Variants in GPR179 observed in about 807,000 individuals in gnomAD.
The protein encoded by GPR179 is G protein-coupled receptor 179.
In GPR179, 52 loss-of-function variants were observed where a neutral mutation model predicts 70.8. The observed-to-expected ratio is 0.73, with a 90% CI of 0.59 to 0.93. The LOEUF is 0.93. Ranked by LOEUF, GPR179 falls within the 40% of genes least tolerant of loss-of-function variation. The probability of loss-of-function intolerance (pLI) is 0.00; values close to 1 mark genes in which losing one functional copy is unlikely to be tolerated. For synonymous variants in GPR179, 1,123 were observed against 1,169.0 expected, an observed-to-expected ratio of 0.96 and a Z score of 0.80; for missense variants, 2,734 against 2,966.8, an observed-to-expected ratio of 0.92 and a Z score of 1.82.
chr17:38,335,773 T>C (rs747484585), intron 5 of GPR179, 73 bp from the exon 6 acceptor site: 1 of 966,876 alleles, frequency 1.0e-6, no homozygotes, highest in Admixed American at 1.8e-5. Flanking sequence ...CTAAGCACAC[T>C]GTGGATCCTC....
Position 38,343,400 on chromosome 17 carries a change from G to A in GPR179, c.390C>T (p.Tyr130=), listed in dbSNP as rs748253709. 2 of 1,614,148 alleles carry A rather than the reference G, an allele frequency of 1.2e-6. No individual in the cohort carries two copies. Among genetic ancestry groups the A allele is most frequent in the African/African-American group, 2.7e-5 (2 of 75,030 alleles). ...ESSVEEDVEW[Y]QALVRSVAEG... is the part of the protein sequence containing the mutation. ...CGGCCACGCTGCGGACCAGTGCCTG[G>A]TACCATTCCACATCCTCCTCCACAC... Residue 130 remains tyrosine (Y), a synonymous_variant, in exon 1 of 11, where the codon TAC becomes TAT. Coordinates refer to ENST00000616987, the MANE Select transcript of GPR179 (RefSeq NM_001004334.4). The surrounding 1 kb of genome is among the most constrained non-coding windows in gnomAD (Gnocchi z 4.2).
rs370183707 is a variant in GPR179, at chr17:38,328,682, G to C, written c.4887C>G (p.Ile1629Met). The change falls in exon 11 of 11, where the codon ATC (isoleucine) becomes ATG (methionine). Residue 1629 changes from isoleucine (I) to methionine (M), a missense_variant. Coordinates refer to ENST00000616987, the MANE Select transcript of GPR179 (RefSeq NM_001004334.4). The part of the protein sequence containing the change: ...DKEKMPGKSE[I>M]EDVTAWEKPE... ...GCTTTTCCCAAGCTGTGACATCTTC[G>C]ATTTCCGATTTTCCAGGCATTTTCT... The C allele has an allele frequency of 1.2e-6, 2 of 1,613,960 alleles. No individual in the cohort carries two copies. Among genetic ancestry groups the C allele is most frequent in the Non-Finnish European group, 1.7e-6 (2 of 1,179,954 alleles).
chr17:38,343,519 GC>G lies in GPR179; in HGVS notation c.270del (p.Leu91SerfsTer59), dbSNP rs2037469412. 2 of 1,613,738 alleles carry G rather than the reference GC, an allele frequency of 1.2e-6. No homozygotes were observed. Among genetic ancestry groups the G allele is most frequent in the Non-Finnish European group, 1.7e-6 (2 of 1,179,994 alleles). On this transcript the variant is annotated frameshift_variant, in exon 1 of 11. Coordinates refer to ENST00000616987, the MANE Select transcript of GPR179 (RefSeq NM_001004334.4). LOFTEE classifies it high-confidence loss of function. This position sits in a 1 kb window ranked among gnomAD's most constrained non-coding sequence, Gnocchi z 4.2. ...YEARGAGAMP[G>X]LPPSLQGAAG... ...GCTGCCCCCTGTAGGCTTGGGGGGA[GC>G]CCTGGCATGGCTCCTGCCCCACGCG...
rs2037307509 is a variant in GPR179, at chr17:38,328,068, T to G, written c.5501A>C (p.Lys1834Thr). 6.2e-7 allele frequency: 1 copy of G among 1,614,040 alleles called. No individual in the cohort carries two copies. Among genetic ancestry groups the G allele is most frequent in the Non-Finnish European group, 8.5e-7 (1 of 1,180,040 alleles). Residue 1834 changes from lysine (K) to threonine (T), a missense_variant, in exon 11 of 11, where the codon AAG becomes ACG. By Grantham distance (78) the Lys-to-Thr change is moderately conservative (BLOSUM62 -1). Transcript: ENST00000616987. ...EGTTGKGLDQ[K>T]AGSESAEQRE... ...CTGCTCTGCTGATTCACTCCCTGCC[T>G]TTTGGTCCAATCCCTTCCCAGTAGT...
chr17:38,333,704 G>A (rs916161125), intron 9 of GPR179, among the ~76,000 whole-genome samples: 3 of 152,168 alleles, frequency 2.0e-5, no homozygotes, highest in African/African-American at 7.2e-5. Flanking sequence ...GCTGCAGGAG[G>A]GAGCCCCTCC....
intron 1 of GPR179, among the ~76,000 whole-genome samples, chr17:38,342,334 C>CTT (rs10681391): frequency 0.13 from 18,407 of 139,072 alleles, 1,485 homozygotes; most frequent in African/African-American, 0.22. Flanking sequence ...ACTGACACAT[C>CTT]TTTTTTTTTT....
rs2037449337 is a variant in GPR179, at chr17:38,341,590, G to A, written c.794+1406C>T. On this transcript the variant is annotated intron_variant, in intron 1 of 10. Coordinates refer to ENST00000616987, the MANE Select transcript of GPR179 (RefSeq NM_001004334.4). ...TGAATGGGGACACAGAGCTGGAGAA[G>A]CAGTGTTGATTGTTGAATGCCCTGC... Among the ~76,000 whole-genome samples, 4 of 152,336 alleles carry A rather than the reference G, an allele frequency of 2.6e-5. No homozygotes were observed. In the South Asian group the frequency reaches 8.3e-4, roughly 32 times the overall value.
In GPR179 at chr17:38,326,968, C is replaced by T; in HGVS notation, c.6601G>A (p.Asp2201Asn). The T allele has an allele frequency of 1.2e-6, 2 of 1,614,130 alleles. No individual in the cohort carries two copies. The highest frequency in any genetic ancestry group is 1.7e-6 in the Non-Finnish European group (2 of 1,180,048). The part of the protein sequence containing the change: ...GGLLPQSGAL[D>N]PELKVSPKEA... ...TTGGGGCTGACTTTGAGTTCTGGGT[C>T]CAGGGCACCTGACTGGGGCAAGAGC... The change falls in exon 11 of 11, where the codon GAC (aspartate) becomes AAC (asparagine). Residue 2201 changes from aspartate to asparagine, a missense_variant. Asp to Asn is a conservative substitution (Grantham distance 23). Coordinates refer to ENST00000616987, the MANE Select transcript of GPR179 (RefSeq NM_001004334.4).
rs753317811 is a variant in GPR179 at position 38,335,032 on chromosome 17, C to T, written c.1645+1G>A. 1.2e-6 allele frequency: 2 copies of T among 1,610,388 alleles called. No individual in the cohort carries two copies. Among genetic ancestry groups the T allele is most frequent in the African/African-American group, 2.7e-5 (2 of 74,990 alleles). On this transcript the variant is annotated splice_donor_variant, in intron 7 of 10. Transcript: ENST00000616987. LOFTEE classifies it high-confidence loss of function. ...GGCTGGGCTCAGCAGAAGCAGCTCA[C>T]CCACAACCATGATGTAGTCCCAGCG... is the stretch of plus-strand genomic sequence containing the variant.
chr17:38,343,644 A>G lies in GPR179; in HGVS notation c.146T>C (p.Met49Thr). Residue 49 changes from methionine to threonine, a missense_variant, in exon 1 of 11, where the codon ATG (methionine) becomes ACG (threonine). Met to Thr is a moderately conservative substitution (Grantham distance 81, BLOSUM62 -1). Coordinates refer to ENST00000616987, the MANE Select transcript of GPR179 (RefSeq NM_001004334.4). The surrounding 1 kb of genome is among the most constrained non-coding windows in gnomAD (Gnocchi z 4.2). ...SSQVKPGSVPMQVPLEGAEAA... is the reference protein window; with the variant it reads ...SSQVKPGSVPTQVPLEGAEAA... ...CTCGGCCCCCTCTAGGGGCACCTGC[A>G]TGGGTACAGATCCTGGCTTGACTTG... 2 of 1,613,688 alleles carry G rather than the reference A, an allele frequency of 1.2e-6. No homozygotes were observed. Among genetic ancestry groups the G allele is most frequent in the Non-Finnish European group, 1.7e-6 (2 of 1,179,872 alleles).
Position 38,326,756 on chromosome 17 carries a change from A to G in GPR179, c.6813T>C (p.Pro2271=), listed in dbSNP as rs745801819. ...GGACTAAAAGGCATAGTGGTTTTTC[A>G]GGAGCTGTGGGGAAAAATTCTCTCC... is the stretch of plus-strand genomic sequence containing the variant. ...ATRREFFPTA[P]EKPLCLLVHG... is the part of the protein sequence containing the mutation. The change falls in exon 11 of 11, where the codon CCT becomes CCC. Residue 2271 remains proline, a synonymous_variant. Transcript: ENST00000616987. 3.1e-6 allele frequency: 5 copies of G among 1,614,214 alleles called. No individual in the cohort carries two copies. The Admixed American group carries it at 8.3e-5, about 27-fold the overall frequency.
rs777155797 is a variant in GPR179 at position 38,329,402 on chromosome 17, G to A, written c.4167C>T (p.Gly1389=). 3.3e-5 allele frequency: 53 copies of A among 1,613,546 alleles called. No individual in the cohort carries two copies. The highest frequency in any genetic ancestry group is 1.3e-4 in the Admixed American group (8 of 59,944). ...CCTCTTGGGCTGGTTTCCCATCCTC[G>A]CCTCCTTCACTTGCCTCCCAGGGAC... The part of the protein sequence containing the change: ...EPCPWEASEG[G]EDGKPAQEAV... The change falls in exon 11 of 11, where the codon GGC becomes GGT. Residue 1389 remains glycine (G), a synonymous_variant. Transcript: ENST00000616987.
chr17:38,331,229 C>T lies in GPR179; in HGVS notation c.2340G>A (p.Glu780=), dbSNP rs945578622. The T allele has an allele frequency of 6.9e-6, 11 of 1,589,194 alleles. No individual in the cohort carries two copies. Among genetic ancestry groups the T allele is most frequent in the Non-Finnish European group, 9.4e-6 (11 of 1,169,094 alleles). Reference sequence around the variant, plus strand: ...GTGAGTCAAGAAGAGGCGGGTCCTGCTCCCTGCGCTGGTCATAGGTGCTGC... The same window carrying T: ...GTGAGTCAAGAAGAGGCGGGTCCTGTTCCCTGCGCTGGTCATAGGTGCTGC... ...KSRSTYDQRR[E]QDPPLLDSLL... The change falls in exon 11 of 11, where the codon GAG becomes GAA. Residue 780 remains glutamate, a synonymous_variant. Coordinates refer to ENST00000616987, the MANE Select transcript of GPR179 (RefSeq NM_001004334.4).
rs1304635368 is a variant in GPR179, at chr17:38,330,565, C to T, written c.3004G>A (p.Ala1002Thr). 6.4e-7 allele frequency: 1 copy of T among 1,572,288 alleles called. No individual in the cohort carries two copies. Among genetic ancestry groups the T allele is most frequent in the South Asian group, 1.2e-5 (1 of 82,694 alleles). The change falls in exon 11 of 11, where the codon GCC becomes ACC. Residue 1002 changes from alanine to threonine, a missense_variant. Coordinates refer to ENST00000616987, the MANE Select transcript of GPR179 (RefSeq NM_001004334.4). The stretch of plus-strand genomic sequence containing the variant: ...TCCTGGGGCACATTTTCTTGCTTGG[C>T]TGGCAGTTCTGCGTTCTCCCAGGGG... ...ICPWENAELP[A>T]KQENVPQEGP... is the part of the protein sequence containing the mutation.
At chr17:38,337,359 G>T in intron 3 of GPR179, 146 bp from the exon 4 acceptor site, 1 of 1,202,890 alleles carries the variant, frequency 8.3e-7, no homozygotes, top group Non-Finnish European at 1.1e-6. Context: ...GTGCTTCCTT[G>T]GGAGGGCAAA....
At chr17:38,335,469 G>T in intron 6 of GPR179, 122 bp downstream of exon 6, 1 of 800,406 alleles carries the variant, frequency 1.2e-6, no homozygotes, top group Non-Finnish European at 2.1e-6. Context: ...GATGGGGGTT[G>T]GCCTTGGGGG....
chr17:38,334,782 G>T lies in GPR179; in HGVS notation c.1706C>A (p.Ser569Ter), dbSNP rs940957113. The change falls in exon 8 of 11, where the codon TCG becomes TAG. Residue 569 changes from serine to a stop codon, truncating the protein, a stop_gained. Transcript: ENST00000616987. LOFTEE classifies it high-confidence loss of function. This position sits in a 1 kb window ranked among gnomAD's most constrained non-coding sequence, Gnocchi z 4.7. The part of the protein sequence containing the change: ...FLCYATRAVL[S>*]AFHEPRYMGI... ...CATGTAGCGTGGCTCATGGAAGGCC[G>T]AGAGCACAGCCCGTGTGGCGTAGCA... 6.2e-7 allele frequency: 1 copy of T among 1,613,574 alleles called. No individual in the cohort carries two copies. Among genetic ancestry groups the T allele is most frequent in the African/African-American group, 1.3e-5 (1 of 75,042 alleles).
Position 38,326,864 on chromosome 17 carries a change from C to G in GPR179, c.6705G>C (p.Lys2235Asn). ...CAGGACAGATGTCTGCCATGGTACC[C>G]TTTATTTTATTTCCTTCTGGATCTG... The part of the protein sequence containing the change: ...EITDPEGNKI[K>N]GTMADICPGE... The change falls in exon 11 of 11, where the codon AAG becomes AAC. Residue 2235 changes from lysine to asparagine, a missense_variant. Lys to Asn is a moderately conservative substitution (Grantham distance 94). Coordinates refer to ENST00000616987, the MANE Select transcript of GPR179 (RefSeq NM_001004334.4). 1.2e-6 allele frequency: 2 copies of G among 1,614,178 alleles called. No individual in the cohort carries two copies. The highest frequency in any genetic ancestry group is 1.7e-6 in the Non-Finnish European group (2 of 1,180,032).
Position 38,343,350 on chromosome 17 carries a change from GC to G in GPR179, c.439del (p.Ala147LeufsTer3). ...VAEGDPRVYR[A>X]LLTFNPPPGA... is the part of the protein sequence containing the mutation. ...TGGTGGAGGGTTAAAGGTCAGCAAAGCCCTGTACACTCTTGGGTCCCCCTCG... is the reference window on the plus strand; with the variant it reads ...TGGTGGAGGGTTAAAGGTCAGCAAAGCCTGTACACTCTTGGGTCCCCCTCG... On this transcript the variant is annotated frameshift_variant, in exon 1 of 11. Coordinates refer to ENST00000616987, the MANE Select transcript of GPR179 (RefSeq NM_001004334.4). LOFTEE classifies it high-confidence loss of function. This position sits in a 1 kb window ranked among gnomAD's most constrained non-coding sequence, Gnocchi z 4.2. The G allele has an allele frequency of 6.2e-7, 1 of 1,614,202 alleles. No individual in the cohort carries two copies. Among genetic ancestry groups the G allele is most frequent in the Non-Finnish European group, 8.5e-7 (1 of 1,180,028 alleles).
Sources: allele counts gnomAD v4.1 joint callset (sites outside exome capture counted in the v4.1 genomes callset), GRCh38; gene constraint gnomAD v4.1.1; non-coding constraint Gnocchi (gnomAD v3.1); transcripts MANE v1.5; gene names NCBI Gene and HGNC (gene_info 2026-07-23, HGNC 2026-07-21).